RPL28: variants seen among roughly 807,000 people sequenced by gnomAD.
RPL28 encodes the protein ribosomal protein L28.
A neutral mutation model predicts 12.5 loss-of-function variants in RPL28; 4 were observed. The ratio of observed to expected loss-of-function variants is 0.32; its 90% CI spans 0.16 to 0.73. RPL28 has a LOEUF of 0.73. RPL28 is among the 30% of genes least tolerant of loss of function. The probability of loss-of-function intolerance (pLI) is 0.66; values close to 1 mark genes in which losing one functional copy is unlikely to be tolerated. For synonymous variants in RPL28, 91 were observed against 72.5 expected (o/e 1.26, Z -1.30); for missense variants, 214 against 197.7 (o/e 1.08, Z -0.49).
exon 5 of RPL28, chr19:55,403,126 T>G (rs764464739): frequency 1.2e-4 from 95 of 802,892 alleles, no homozygotes; most frequent in Non-Finnish European, 1.7e-4. Context: ...CACCCCCGAG[T>G]TGTGACAACC....
chr19:55,402,699 C>T (rs887791647), intron 4 of RPL28, among the ~76,000 whole-genome samples: 2 of 152,208 alleles, frequency 1.3e-5, no homozygotes, highest in African/African-American at 4.8e-5. Context: ...GGCTGAGCCC[C>T]TGACAGGCCC....
At chr19:55,386,218 C>G (rs1490909742) in intron 1 of RPL28, 132 bp from the exon 2 acceptor site, 3 of 790,168 alleles carry the variant, frequency 3.8e-6, no homozygotes. Flanking sequence ...AGGTCGCTGT[C>G]TGCCCTCAGG....
chr19:55,400,309 G>A (rs578056416), intron 4 of RPL28: 4 of 152,236 alleles, frequency 2.6e-5, no homozygotes, highest in South Asian at 2.1e-4. Flanking sequence ...GAGCCATTGC[G>A]CCTGGCCTAT....
rs1324681179 is a variant in RPL28, at chr19:55,391,672, CCTA to C, written c.*3346_*3348del. Reference sequence around the variant, plus strand: ...ATCTGTAACATGCGTGTCGATAGACCCTACTACTCAGGGTTGATGAGAAGATTA... The same window carrying C: ...ATCTGTAACATGCGTGTCGATAGACCCTACTCAGGGTTGATGAGAAGATTA... On this transcript the variant is annotated 3_prime_UTR_variant, in exon 5 of 5. Coordinates refer to ENST00000344063, the MANE Select transcript of RPL28 (RefSeq NM_000991.5). 1.3e-6 allele frequency: 2 copies of C among 1,544,806 alleles called. No individual in the cohort carries two copies. The highest frequency in any genetic ancestry group is 1.2e-5 in the South Asian group (1 of 83,926).
At position 55,389,351 on chromosome 19, in the gene RPL28, A is replaced by G. The variant is rs992238316; in HGVS notation, c.*1019A>G. ...ACTCCAGCCTGGAAGACACCATGACACACAGTGAGGCCTGGATGGGGAAAG... is the reference window on the plus strand; with the variant it reads ...ACTCCAGCCTGGAAGACACCATGACGCACAGTGAGGCCTGGATGGGGAAAG... On this transcript the variant is annotated 3_prime_UTR_variant, in exon 5 of 5. Coordinates refer to ENST00000344063, the MANE Select transcript of RPL28 (RefSeq NM_000991.5). The G allele has an allele frequency of 1.1e-6, 1 of 879,738 alleles. No individual in the cohort carries two copies. Among genetic ancestry groups the G allele is most frequent in the African/African-American group, 2.4e-5 (1 of 41,404 alleles). The allele number at this position is 879,738 out of a possible 1,614,324, so 54.5% of individuals were successfully genotyped here. A position where few individuals can be genotyped will look rare whatever the true frequency, so the allele number is the denominator to read the frequency against.
chr19:55,395,653 C>T (rs1440140948), downstream of RPL28, among the ~76,000 whole-genome samples: 6 of 151,698 alleles, frequency 4.0e-5, no homozygotes, highest in Admixed American at 6.6e-5. Flanking sequence ...CTGTGTTAGC[C>T]AGGATGGTCT....
intron 4 of RPL28, chr19:55,402,927 CT>C (rs112400318): frequency 0.033 from 31,759 of 950,934 alleles, no homozygotes; most frequent in South Asian, 0.058. Flanking sequence ...ATTTGGTTAA[CT>C]TTTTTTTTTT....
At chr19:55,395,939 G>C (rs1235637552), downstream of RPL28, among the ~76,000 whole-genome samples, 4 of 152,052 alleles carry the variant, frequency 2.6e-5, no homozygotes, top group African/African-American at 9.7e-5. Flanking sequence ...TACATGACTG[G>C]TAGTGTCCCA....
rs771253492 is a variant in RPL28 at position 55,389,868 on chromosome 19, C to T, written c.*1536C>T. On this transcript the variant is annotated 3_prime_UTR_variant, in exon 5 of 5. Coordinates refer to ENST00000344063, the MANE Select transcript of RPL28 (RefSeq NM_000991.5). Reference sequence around the variant, plus strand: ...GGCCCACCTCCAGCTGGCCTCACTCCGCTGGTGACTTCGTACCTGCTCAGG... The same window carrying T: ...GGCCCACCTCCAGCTGGCCTCACTCTGCTGGTGACTTCGTACCTGCTCAGG... 48 of 985,284 alleles carry T rather than the reference C, an allele frequency of 4.9e-5. No individual in the cohort carries two copies. The highest frequency in any genetic ancestry group is 5.2e-4 in the Middle Eastern group (1 of 1,934). 61.0% of individuals were successfully genotyped at this position (985,284 alleles called of 1,614,324 possible).
chr19:55,393,794 G>A (rs1000907355), downstream of RPL28, among the ~76,000 whole-genome samples: 8 of 151,834 alleles, frequency 5.3e-5, no homozygotes, highest in Non-Finnish European at 1.2e-4. Flanking sequence ...GATTACAGGG[G>A]CCCGCCACCA....
rs746949557 is a variant in RPL28 at position 55,388,141 on chromosome 19, G to A, written c.324+93G>A. On this transcript the variant is annotated intron_variant, in intron 4 of 4. Coordinates refer to ENST00000344063, the MANE Select transcript of RPL28 (RefSeq NM_000991.5). ...CTGGTTGCAATATGGGCTGGAGAGG[G>A]ATGGATTCTTGCTTTCAGCCTACTC... 4 of 1,576,648 alleles carry A rather than the reference G, an allele frequency of 2.5e-6. No individual in the cohort carries two copies. The African/African-American group carries it at 4.1e-5, about 16-fold the overall frequency.
chr19:55,397,175 C>G (rs1408624698), intron 4 of RPL28, among the ~76,000 whole-genome samples: 3 of 152,208 alleles, frequency 2.0e-5, no homozygotes, highest in Non-Finnish European at 4.4e-5. Flanking sequence ...CCACTACACC[C>G]GGCCTCCTTG....
At chr19:55,387,741 A>G in intron 3 of RPL28, 189 bp from the exon 4 acceptor site, 1 of 1,444,630 alleles carries the variant, frequency 6.9e-7, no homozygotes. Flanking sequence ...TGTCCTCAGT[A>G]CTCCGTGATG....
At chr19:55,386,291 G>C in intron 1 of RPL28, 59 bp from the exon 2 acceptor site, 1 of 1,523,378 alleles carries the variant, frequency 6.6e-7, no homozygotes. Flanking sequence ...GTGGCCCGTG[G>C]CCTAACGCTG....
At chr19:55,394,818 A>G (rs949607287), downstream of RPL28, among the ~76,000 whole-genome samples, 4 of 152,126 alleles carry the variant, frequency 2.6e-5, no homozygotes, top group Non-Finnish European at 4.4e-5. Context: ...AATCCTCCCA[A>G]AGTGCTGGGA....
chr19:55,389,455 C>T lies in RPL28; in HGVS notation c.*1123C>T. 1.0e-6 allele frequency: 1 copy of T among 985,472 alleles called. No homozygotes were observed. The allele number at this position is 985,472 out of a possible 1,614,324, so 61.0% of individuals were successfully genotyped here. ...TGCCAGGGACCAAGGATCCAGCATC[C>T]ATGGCACCCCTGGTTCCTGCCATCC... On this transcript the variant is annotated 3_prime_UTR_variant, in exon 5 of 5. Transcript: ENST00000344063.
chr19:55,403,148 C>G (rs942334797), exon 5 of RPL28: 3 of 731,840 alleles, frequency 4.1e-6, no homozygotes, highest in African/African-American at 1.7e-5. Context: ...TTTCTGGTCT[C>G]CTGACAATGC....
At chr19:55,396,594 TC>T (rs1214156033), downstream of RPL28, among the ~76,000 whole-genome samples, 5 of 82,460 alleles carry the variant, frequency 6.1e-5, no homozygotes, top group African/African-American at 2.2e-4. Flanking sequence ...TCCCCTCCAC[TC>T]CCCTTGTTTT....
chr19:55,393,244 A>C (rs1330072696), downstream of RPL28, among the ~76,000 whole-genome samples: 15 of 99,930 alleles, frequency 1.5e-4, no homozygotes, highest in Admixed American at 4.1e-4. Context: ...TGGCCGACGC[A>C]CCCCCCCCCC....
Sources: gnomAD v4.1 joint callset for allele counts (sites outside exome capture counted in the v4.1 genomes callset) on GRCh38, gnomAD v4.1.1 for gene constraint, MANE v1.5 for transcripts, NCBI Gene and HGNC (gene_info 2026-07-23, HGNC 2026-07-21) for gene names.